ZNF676: variants seen among roughly 807,000 people sequenced by gnomAD.
ZNF676 encodes zinc finger protein 676.
Under a neutral mutation model 6.0 loss-of-function variants are expected in ZNF676, and 4 were observed. The ratio of observed to expected loss-of-function variants is 0.67; its 90% CI spans 0.33 to 1.53. The LOEUF is 1.53. Among genes scored for constraint, ZNF676 ranks in the 40% most tolerant of loss-of-function variants. The pLI is 0.06. For missense variants in ZNF676, 644 were observed against 679.7 expected (o/e 0.95, Z 0.58); for synonymous variants, 198 against 223.1 (o/e 0.89, Z 1.00).
rs1490339390 is a variant in ZNF676, at chr19:22,181,427, C to A, written c.290G>T (p.Gly97Val). The A allele has an allele frequency of 6.8e-6, 11 of 1,613,642 alleles. No homozygotes were observed. The highest frequency in any genetic ancestry group is 9.3e-6 in the Non-Finnish European group (11 of 1,179,780). The change falls in exon 3 of 3, where the codon GGT (glycine) becomes GTT (valine). Residue 97 changes from glycine to valine, a missense_variant. By Grantham distance (109) the Gly-to-Val change is moderately radical (BLOSUM62 -3). This residue lies in a region of ZNF676 where 280 missense variants were observed against 269.3 expected (regional missense o/e 1.04). Transcript: ENST00000397121. ...NVDECNVHKE[G>V]YNKLNQSLTT... is the part of the protein sequence containing the mutation. ...TAAACTCTGGTTAAGTTTATTATAACCTTCTTTGTGCACGTTACACTCATC... is the reference window on the plus strand; with the variant it reads ...TAAACTCTGGTTAAGTTTATTATAAACTTCTTTGTGCACGTTACACTCATC...
chr19:22,223,222 T>C, the ZNF676 span, among the ~76,000 whole-genome samples: 1 of 152,206 alleles, frequency 6.6e-6, no homozygotes, highest in Non-Finnish European at 1.5e-5. Flanking sequence ...GCCACCTTAG[T>C]GGAAGCCTGT....
chr19:22,255,642 G>A, the ZNF676 span, among the ~76,000 whole-genome samples: 32 of 152,102 alleles, frequency 2.1e-4, no homozygotes, highest in African/African-American at 5.3e-4. Flanking sequence ...TCAGGAGATC[G>A]AGACCATCCT....
the ZNF676 span, among the ~76,000 whole-genome samples, chr19:22,253,737 A>G: frequency 1.2e-4 from 19 of 152,024 alleles, no homozygotes; most frequent in African/African-American, 3.9e-4. Context: ...GGGCTGTGTC[A>G]ATGTGTGAAA....
upstream of ZNF676, among the ~76,000 whole-genome samples, chr19:22,198,520 A>C (rs142667730): frequency 2.7e-3 from 410 of 152,302 alleles, 3 homozygotes; most frequent in African/African-American, 9.5e-3. Flanking sequence ...GGTGAAAAAG[A>C]AAAGGCCATT....
At chr19:22,187,491 G>A (rs1040586280) in intron 2 of ZNF676, among the ~76,000 whole-genome samples, 2 of 151,768 alleles carry the variant, frequency 1.3e-5, no homozygotes, top group African/African-American at 4.8e-5. Context: ...TCAAACCCTA[G>A]CAGAATACAA....
chr19:22,222,251 C>G, the ZNF676 span, among the ~76,000 whole-genome samples: 3 of 152,032 alleles, frequency 2.0e-5, no homozygotes, highest in Admixed American at 2.0e-4. Context: ...ACTGCAGGCA[C>G]CTGCCACCAC....
chr19:22,235,094 AAGAAGGAAGTC>A, the ZNF676 span, among the ~76,000 whole-genome samples: 4 of 140,024 alleles, frequency 2.9e-5, no homozygotes, highest in African/African-American at 8.5e-5. Flanking sequence ...GGAAGGCAGG[AAGAAGGAAGTC>A]AGGAAGGCAG....
chr19:22,182,921 T>TA (rs1227490885), intron 2 of ZNF676, among the ~76,000 whole-genome samples: 1 of 152,046 alleles, frequency 6.6e-6, no homozygotes, highest in African/African-American at 2.4e-5. Context: ...ATTTGAGAGA[T>TA]AAAAGCACAG....
upstream of ZNF676, chr19:22,197,024 C>T (rs1181723829): frequency 3.4e-6 from 1 of 290,556 alleles, no homozygotes; most frequent in African/African-American, 2.3e-5. Flanking sequence ...GCTATATTTA[C>T]ATCATACAGA....
upstream of ZNF676, among the ~76,000 whole-genome samples, chr19:22,217,642 A>G (rs1392158436): frequency 6.6e-6 from 1 of 150,528 alleles, no homozygotes; most frequent in South Asian, 2.1e-4. Flanking sequence ...GATTACAGGC[A>G]TAAGCCACCG....
chr19:22,222,562 T>C, the ZNF676 span, among the ~76,000 whole-genome samples: 1 of 152,202 alleles, frequency 6.6e-6, no homozygotes, highest in Non-Finnish European at 1.5e-5. Context: ...AGTAGAAGCA[T>C]TGACAATGGG....
Position 22,179,513 on chromosome 19 carries a change from G to T in ZNF676, c.*437C>A, listed in dbSNP as rs1243386503. ...GGATTGAGGAACAGCTAAAAGGCTT[G>T]CCACATTCTTCACATTTGTAGGGTT... On this transcript the variant is annotated 3_prime_UTR_variant, in exon 3 of 3. Transcript: ENST00000397121. 2 of 426,158 alleles carry T rather than the reference G, an allele frequency of 4.7e-6. No individual in the cohort carries two copies. The highest frequency in any genetic ancestry group is 9.2e-6 in the Non-Finnish European group (2 of 217,492). 26.4% of individuals were successfully genotyped at this position (426,158 alleles called of 1,614,324 possible). A position where few individuals can be genotyped will look rare whatever the true frequency, so the allele number is the denominator to read the frequency against.
the ZNF676 span, among the ~76,000 whole-genome samples, chr19:22,230,299 G>A: frequency 6.6e-6 from 1 of 152,100 alleles, no homozygotes; most frequent in South Asian, 2.1e-4. Context: ...GTTGAACAAT[G>A]AGAATGCATG....
At chr19:22,203,542 A>G (rs1227004237) in intron 1 of ZNF676, 1 of 151,996 alleles carries the variant, frequency 6.6e-6, no homozygotes, top group Non-Finnish European at 1.5e-5. Flanking sequence ...GTGCATAGCT[A>G]CTCTCAGCAA....
chr19:22,249,903 G>T, the ZNF676 span, among the ~76,000 whole-genome samples: 3 of 151,768 alleles, frequency 2.0e-5, no homozygotes, highest in African/African-American at 7.3e-5. Context: ...ACTTGTTTTG[G>T]CCAGGTGCAG....
intron 2 of ZNF676, among the ~76,000 whole-genome samples, chr19:22,189,353 A>C (rs1319329004): frequency 6.6e-6 from 1 of 152,090 alleles, no homozygotes; most frequent in Non-Finnish European, 1.5e-5. Context: ...ACAAAAATTA[A>C]CTCAAATTGA....
chr19:22,252,458 A>G, the ZNF676 span, among the ~76,000 whole-genome samples: 1 of 152,038 alleles, frequency 6.6e-6, no homozygotes, highest in Non-Finnish European at 1.5e-5. Context: ...AGAAGAGTCA[A>G]ATCACCTAGG....
chr19:22,185,101 G>C (rs7343076), intron 2 of ZNF676, among the ~76,000 whole-genome samples: 65,190 of 151,884 alleles, frequency 0.43, 14,949 homozygotes, highest in African/African-American at 0.59. Flanking sequence ...AGCTGATAGA[G>C]ACCTCATACA....
chr19:22,251,576 T>C, the ZNF676 span, among the ~76,000 whole-genome samples: 1 of 152,186 alleles, frequency 6.6e-6, no homozygotes, highest in Admixed American at 6.6e-5. Context: ...GATCACGATG[T>C]CAGGGGTTCG....
Sources: gnomAD v4.1 joint callset for allele counts (sites outside exome capture counted in the v4.1 genomes callset) on GRCh38, gnomAD v4.1.1 for gene constraint, gnomAD v4.1.1 regional missense constraint, MANE v1.5 for transcripts, NCBI Gene and HGNC (gene_info 2026-07-23, HGNC 2026-07-21) for gene names.